The following DOCK1 variants were observed in gnomAD, a reference collection of about 807,000 sequenced individuals.
DOCK1 encodes the protein dedicator of cytokinesis 1, also known as dedicator of cytokinesis protein 1.
Under a neutral mutation model 262.7 loss-of-function variants are expected in DOCK1, and 138 were observed. The observed-to-expected ratio is 0.53, with a 90% confidence interval of 0.46 to 0.61. The LOEUF (loss-of-function observed/expected upper bound fraction) is 0.61, where lower values mean the gene tolerates loss of function less well. Ranked by LOEUF, DOCK1 falls within the 20% of genes least tolerant of loss-of-function variation. The probability of loss-of-function intolerance (pLI) is 0.00; values close to 1 mark genes in which losing one functional copy is unlikely to be tolerated. For missense variants in DOCK1, 1,908 were observed against 2,370.7 expected (o/e 0.80, Z 4.05); for synonymous variants, 866 against 867.4 (o/e 1.00, Z 0.03).
intron 49 of DOCK1, among the ~76,000 whole-genome samples, chr10:127,439,675 G>A (rs964595915): frequency 3.3e-5 from 5 of 152,180 alleles, no homozygotes; most frequent in Admixed American, 1.3e-4. Context: ...AGAATCCAAA[G>A]ACCTCTTCCC....
At chr10:127,291,288 G>T (rs1043881630) in intron 29 of DOCK1, among the ~76,000 whole-genome samples, 11 of 152,326 alleles carry the variant, frequency 7.2e-5, no homozygotes, top group Non-Finnish European at 1.2e-4. Context: ...CTGGTAGCAG[G>T]TGCCAGCTTC....
At chr10:126,934,372 G>A (rs1218514022) in intron 1 of DOCK1, among the ~76,000 whole-genome samples, 2 of 152,208 alleles carry the variant, frequency 1.3e-5, no homozygotes, top group Non-Finnish European at 1.5e-5. Flanking sequence ...TGTGACCCAC[G>A]TGCTGTGGGG....
At chr10:127,190,173 A>G (rs969040180) in intron 27 of DOCK1, among the ~76,000 whole-genome samples, 5 of 152,208 alleles carry the variant, frequency 3.3e-5, no homozygotes, top group African/African-American at 9.6e-5. Flanking sequence ...TAAAAACTCA[A>G]CTTCTACCCA....
At position 127,133,838 on chromosome 10, in the gene DOCK1, T is replaced by G. The variant is rs142821128; in HGVS notation, c.2847+6074T>G. On this transcript the variant is annotated intron_variant, in intron 27 of 51. Coordinates refer to ENST00000623213, the MANE Select transcript of DOCK1 (RefSeq NM_001290223.2). ...CATGAAATGGATGTTCTTTCTGATC[T>G]TTGTACCACAGAGTTGTTTACTTTC... Among the ~76,000 whole-genome samples, 158 of 152,384 alleles carry G rather than the reference T, an allele frequency of 1.0e-3. 5 individuals are homozygous for G. The East Asian group carries it at 0.028, about 27-fold the overall frequency.
At position 127,396,712 on chromosome 10, in the gene DOCK1, A is replaced by G. The variant is rs537794925; in HGVS notation, c.3928-6343A>G. 4.6e-5 allele frequency among the ~76,000 whole-genome samples: 7 copies of G among 151,622 alleles called. No individual in the cohort carries two copies. In the East Asian group the frequency reaches 1.4e-3, roughly 29 times the overall value. On this transcript the variant is annotated intron_variant, in intron 38 of 51. Transcript: ENST00000623213. ...TTTCAAGGTCTTTCTTTGCAAAACTACAAATGTCCTGGCCTAAAGAAAAAA... is the reference window on the plus strand; with the variant it reads ...TTTCAAGGTCTTTCTTTGCAAAACTGCAAATGTCCTGGCCTAAAGAAAAAA...
chr10:127,003,132 G>A (rs992177016), intron 10 of DOCK1, among the ~76,000 whole-genome samples: 2 of 151,834 alleles, frequency 1.3e-5, no homozygotes, highest in South Asian at 2.1e-4. Context: ...ATGAACCTCT[G>A]AACCTGCATG....
chr10:127,223,665 C>CT (rs1191015132), intron 27 of DOCK1, among the ~76,000 whole-genome samples: 1 of 152,180 alleles, frequency 6.6e-6, no homozygotes, highest in Non-Finnish European at 1.5e-5. Flanking sequence ...CACTTTTATT[C>CT]TTATTCACCA....
chr10:127,176,119 G>A lies in DOCK1; in HGVS notation c.2847+48355G>A, dbSNP rs779113272. 42 of 1,614,012 alleles carry A rather than the reference G, an allele frequency of 2.6e-5. No individual in the cohort carries two copies. The highest frequency in any genetic ancestry group is 3.2e-5 in the Non-Finnish European group (38 of 1,180,046). On this transcript the variant is annotated intron_variant, in intron 27 of 51. Coordinates refer to ENST00000623213, the MANE Select transcript of DOCK1 (RefSeq NM_001290223.2). This position sits in a 1 kb window ranked among gnomAD's most constrained non-coding sequence, Gnocchi z 4.4. The stretch of plus-strand genomic sequence containing the variant: ...TTGGTGACGTTGGGGATGGACCTGC[G>A]TGCGGGCACTGTCATGTATTTGCGG...
chr10:127,024,410 T>TA (rs1431289510), intron 14 of DOCK1, among the ~76,000 whole-genome samples: 2 of 152,136 alleles, frequency 1.3e-5, no homozygotes. Context: ...ATCCTAATGT[T>TA]AAAGTTATTA....
intron 31 of DOCK1, 144 bp downstream of exon 31, chr10:127,343,890 G>A (rs571762323): frequency 4.3e-6 from 3 of 696,812 alleles, no homozygotes; most frequent in South Asian, 2.0e-5. Flanking sequence ...CACCAATCAG[G>A]TATTGCCTTT....
intron 29 of DOCK1, among the ~76,000 whole-genome samples, chr10:127,309,878 CTTT>C (rs1213688949): frequency 2.1e-5 from 3 of 141,372 alleles, no homozygotes; most frequent in Non-Finnish European, 3.1e-5. Flanking sequence ...ATACCATGTT[CTTT>C]TTTTTTTTTT....
chr10:127,410,890 G>A lies in DOCK1; in HGVS notation c.4394G>A (p.Arg1465Gln). The A allele has an allele frequency of 3.7e-6, 6 of 1,613,754 alleles. No individual in the cohort carries two copies. Among genetic ancestry groups the A allele is most frequent in the East Asian group, 4.5e-5 (2 of 44,878 alleles). Reference protein sequence around the residue: ...VQRFEYSRPIRKGEKNPDNEF... With the variant: ...VQRFEYSRPIQKGEKNPDNEF... Reference sequence around the variant, plus strand: ...CGATTTGAATATTCTCGGCCAATCCGGAAGGGAGAGAAAAACCCAGACAAT... The same window carrying A: ...CGATTTGAATATTCTCGGCCAATCCAGAAGGGAGAGAAAAACCCAGACAAT... The change falls in exon 43 of 52, where the codon CGG becomes CAG. Residue 1465 changes from arginine to glutamine, a missense_variant. Transcript: ENST00000623213.
At chr10:127,386,702 A>C (rs920726056) in intron 38 of DOCK1, among the ~76,000 whole-genome samples, 1 of 152,056 alleles carries the variant, frequency 6.6e-6, no homozygotes, top group African/African-American at 2.4e-5. Flanking sequence ...TATGTATTAC[A>C]ATGTAATAAT....
chr10:127,111,477 C>T (rs759232631), intron 25 of DOCK1, among the ~76,000 whole-genome samples: 3 of 152,122 alleles, frequency 2.0e-5, no homozygotes, highest in African/African-American at 7.2e-5. Flanking sequence ...AAGCACATGA[C>T]GCTCCATTGA....
chr10:126,919,164 G>C (rs1358792167), intron 1 of DOCK1, among the ~76,000 whole-genome samples: 1 of 152,206 alleles, frequency 6.6e-6, no homozygotes, highest in Non-Finnish European at 1.5e-5. Flanking sequence ...CCCCATGCAG[G>C]CTGCTTAGAG....
chr10:126,943,023 G>A (rs897260524), intron 1 of DOCK1, among the ~76,000 whole-genome samples: 2 of 151,924 alleles, frequency 1.3e-5, no homozygotes, highest in African/African-American at 4.8e-5. Context: ...TTGGGAGGCT[G>A]AGGCTGGTGA....
Position 127,110,323 on chromosome 10 carries a change from A to G in DOCK1, c.2592A>G (p.Glu864=). 6 of 1,613,414 alleles carry G rather than the reference A, an allele frequency of 3.7e-6. No individual in the cohort carries two copies. Among genetic ancestry groups the G allele is most frequent in the Non-Finnish European group, 5.1e-6 (6 of 1,179,698 alleles). ...LTIQKLYCLI[E]IVHSDLFTQH... ...TCCAGAAACTCTACTGCTTGATCGA[A>G]ATCGTCCACAGTGACCTCTTCACAC... The change falls in exon 25 of 52, where the codon GAA becomes GAG. Residue 864 remains glutamate, a synonymous_variant. Transcript: ENST00000623213.
At chr10:127,429,058 T>TGTGGATTGGGGTGTC (rs2069094461) in intron 47 of DOCK1, among the ~76,000 whole-genome samples, 3 of 87,818 alleles carry the variant, frequency 3.4e-5, no homozygotes, top group South Asian at 4.0e-4. Context: ...ATTGGGGTGC[T>TGTGGATTGGGGTGTC]GTGTGGATTG....
chr10:127,446,236 C>G lies in DOCK1; in HGVS notation c.5414-1158C>G, dbSNP rs12416104. On this transcript the variant is annotated intron_variant, in intron 50 of 51. Transcript: ENST00000623213. This position sits in a 1 kb window ranked among gnomAD's most constrained non-coding sequence, Gnocchi z 4.4. ...CTGCACTCCAGCCTGGGCGACACAG[C>G]GAGACTCCATCCCAAACAAAAAGAA... Among the ~76,000 whole-genome samples, 1 of 150,008 alleles carries G rather than the reference C, an allele frequency of 6.7e-6. No individual in the cohort carries two copies.
Sources: gnomAD v4.1 joint callset for allele counts (sites outside exome capture counted in the v4.1 genomes callset) on GRCh38, gnomAD v4.1.1 for gene constraint, Gnocchi (gnomAD v3.1) non-coding constraint, MANE v1.5 for transcripts, NCBI Gene and HGNC (gene_info 2026-07-23, HGNC 2026-07-21) for gene names.